ZCCHC7: variants seen among roughly 807,000 people sequenced by gnomAD.
The protein encoded by ZCCHC7 is zinc finger CCHC-type containing 7.
A neutral mutation model predicts 52.0 loss-of-function variants in ZCCHC7; 35 were observed. The ratio of observed to expected loss-of-function variants is 0.67; its 90% CI spans 0.51 to 0.89. The LOEUF is 0.89. ZCCHC7 is among the 40% of genes least tolerant of loss of function. The pLI, the probability that ZCCHC7 is intolerant of heterozygous loss-of-function variation, is 0.00. For missense variants in ZCCHC7, 574 were observed against 649.1 expected (o/e 0.88, Z 1.26); for synonymous variants, 217 against 221.5 (o/e 0.98, Z 0.18).
chr9:37,347,121 G>T (rs1821033847), intron 6 of ZCCHC7, among the ~76,000 whole-genome samples: 1 of 152,212 alleles, frequency 6.6e-6, no homozygotes, highest in African/African-American at 2.4e-5. Context: ...AAGCGTGGGG[G>T]TGTGCAGGGG....
intron 2 of ZCCHC7, among the ~76,000 whole-genome samples, chr9:37,167,234 T>C (rs1490524035): frequency 6.6e-6 from 1 of 152,088 alleles, no homozygotes. Context: ...CCAATGTGTT[T>C]TTAATACCAG....
At chr9:37,208,210 G>C (rs923198103) in intron 2 of ZCCHC7, among the ~76,000 whole-genome samples, 1 of 152,018 alleles carries the variant, frequency 6.6e-6, no homozygotes, top group Non-Finnish European at 1.5e-5. Context: ...TCATCCCCTC[G>C]AATAGCTGAG....
chr9:37,321,135 C>T (rs1016776371), intron 5 of ZCCHC7, among the ~76,000 whole-genome samples: 10 of 151,370 alleles, frequency 6.6e-5, no homozygotes, highest in Admixed American at 3.9e-4. Context: ...ACTACAGGCG[C>T]GTGCCACCAC....
chr9:37,156,783 G>A (rs1203642544), intron 2 of ZCCHC7, among the ~76,000 whole-genome samples: 1 of 152,134 alleles, frequency 6.6e-6, no homozygotes, highest in Admixed American at 6.6e-5. Context: ...TGTTAAAATA[G>A]TAATGCTATC....
At chr9:37,332,236 T>C (rs900118221) in intron 6 of ZCCHC7, among the ~76,000 whole-genome samples, 9 of 151,580 alleles carry the variant, frequency 5.9e-5, no homozygotes, top group Non-Finnish European at 1.2e-4. Context: ...GTGATTGTGC[T>C]CTGATCATTC....
intron 2 of ZCCHC7, among the ~76,000 whole-genome samples, chr9:37,149,857 CA>C: frequency 6.6e-6 from 1 of 152,164 alleles, no homozygotes; most frequent in Non-Finnish European, 1.5e-5. Flanking sequence ...CAATTACAAG[CA>C]TTTCTCATTT....
At chr9:37,254,110 A>G (rs924253012) in intron 2 of ZCCHC7, among the ~76,000 whole-genome samples, 1 of 152,054 alleles carries the variant, frequency 6.6e-6, no homozygotes, top group Non-Finnish European at 1.5e-5. Context: ...GACTATCCCT[A>G]TATTTCAGGT....
chr9:37,207,334 CAGT>C (rs903731963), intron 2 of ZCCHC7, among the ~76,000 whole-genome samples: 3 of 152,084 alleles, frequency 2.0e-5, no homozygotes, highest in East Asian at 1.9e-4. Context: ...TTTATGATGT[CAGT>C]AGTCATTTTT....
intron 6 of ZCCHC7, among the ~76,000 whole-genome samples, chr9:37,336,183 A>C (rs555418255): frequency 6.6e-6 from 1 of 152,170 alleles, no homozygotes; most frequent in Non-Finnish European, 1.5e-5. Context: ...GCCTGATTTC[A>C]TAGCAAAATG....
intron 2 of ZCCHC7, among the ~76,000 whole-genome samples, chr9:37,241,720 T>A (rs1825881007): frequency 2.0e-5 from 3 of 151,854 alleles, no homozygotes; most frequent in Admixed American, 2.0e-4. Context: ...GGTAACCTGC[T>A]TTCTATAGTA....
intron 2 of ZCCHC7, among the ~76,000 whole-genome samples, chr9:37,132,583 A>G (rs1842831986): frequency 1.3e-5 from 2 of 152,202 alleles, no homozygotes; most frequent in African/African-American, 4.8e-5. Context: ...ATGTATACAC[A>G]TTTGTATACA....
At position 37,161,674 on chromosome 9, in the gene ZCCHC7, A is replaced by G. The variant is rs530686343; in HGVS notation, c.610+34732A>G. On this transcript the variant is annotated intron_variant, in intron 2 of 8. Transcript: ENST00000336755. ...ATTAATAATCTCAGGCCCAAATAAG[A>G]TAAGTGATATGTCAACGTATGTTCA... Among the ~76,000 whole-genome samples the G allele has an allele frequency of 3.3e-5, 5 of 152,290 alleles. No homozygotes were observed. In the East Asian group the frequency reaches 9.6e-4, roughly 29 times the overall value.
At chr9:37,334,875 A>G (rs1830584812) in intron 6 of ZCCHC7, among the ~76,000 whole-genome samples, 1 of 152,128 alleles carries the variant, frequency 6.6e-6, no homozygotes, top group African/African-American at 2.4e-5. Context: ...ACACCAGTAC[A>G]TAGATACCGC....
chr9:37,171,478 G>A (rs1308870828), intron 2 of ZCCHC7, among the ~76,000 whole-genome samples: 1 of 152,146 alleles, frequency 6.6e-6, no homozygotes, highest in Non-Finnish European at 1.5e-5. Flanking sequence ...GTGCAGTGGT[G>A]CGATCATAAG....
chr9:37,295,091 A>G (rs1317962099), intron 2 of ZCCHC7, among the ~76,000 whole-genome samples: 1 of 152,200 alleles, frequency 6.6e-6, no homozygotes, highest in African/African-American at 2.4e-5. Context: ...AGATATTACA[A>G]AGTTGTGAGT....
At chr9:37,185,057 A>C (rs559893875) in intron 2 of ZCCHC7, among the ~76,000 whole-genome samples, 1 of 151,844 alleles carries the variant, frequency 6.6e-6, no homozygotes, top group African/African-American at 2.4e-5. Flanking sequence ...TTTCCTTAAC[A>C]TGTTGTCCCC....
intron 2 of ZCCHC7, among the ~76,000 whole-genome samples, chr9:37,191,953 A>G (rs1221184051): frequency 1.3e-5 from 2 of 152,268 alleles, no homozygotes; most frequent in Non-Finnish European, 2.9e-5. Context: ...ACCGCCTAAC[A>G]GCAAATAATC....
At chr9:37,199,609 A>G (rs1007072765) in intron 2 of ZCCHC7, among the ~76,000 whole-genome samples, 5 of 151,038 alleles carry the variant, frequency 3.3e-5, no homozygotes, top group African/African-American at 4.9e-5. Flanking sequence ...CTGGGATTAC[A>G]GGCGTGAGCC....
At chr9:37,254,837 C>CTTTTTTTTTTTTTTTTTTT (rs59489076) in intron 2 of ZCCHC7, among the ~76,000 whole-genome samples, 12 of 93,458 alleles carry the variant, frequency 1.3e-4, no homozygotes, top group South Asian at 4.0e-4. Flanking sequence ...CAAAAAGTTT[C>CTTTTTTTTTTTTTTTTTTT]TTTTTTTTTT....
Sources: gnomAD v4.1 joint callset for allele counts (sites outside exome capture counted in the v4.1 genomes callset) on GRCh38, gnomAD v4.1.1 for gene constraint, MANE v1.5 for transcripts, NCBI Gene and HGNC (gene_info 2026-07-23, HGNC 2026-07-21) for gene names.